The following FMN1 variants were observed in gnomAD, a reference collection of about 807,000 sequenced individuals.
The protein encoded by FMN1 is formin 1.
Under a neutral mutation model 132.4 loss-of-function variants are expected in FMN1, and 110 were observed. That is an observed-to-expected ratio of 0.83 (90% CI 0.71 to 0.97). The LOEUF (loss-of-function observed/expected upper bound fraction) is 0.97. Ranked by LOEUF, FMN1 falls within the 50% of genes least tolerant of loss-of-function variation. The probability of loss-of-function intolerance (pLI) is 0.00; values close to 1 mark genes in which losing one functional copy is unlikely to be tolerated. For missense variants in FMN1, 1,792 were observed against 1,705.3 expected (o/e 1.05, Z -0.90); for synonymous variants, 722 against 651.7 (o/e 1.11, Z -1.64).
chr15:32,909,895 C>G (rs1443259140), intron 11 of FMN1, among the ~76,000 whole-genome samples: 2 of 151,684 alleles, frequency 1.3e-5, no homozygotes, highest in Admixed American at 6.6e-5. Context: ...AAAAAAAAAT[C>G]AGAGCCTACT....
Position 33,018,485 on chromosome 15 carries a change from G to A in FMN1, c.2162-10410C>T, listed in dbSNP as rs565424333. On this transcript the variant is annotated intron_variant, in intron 6 of 20. Transcript: ENST00000616417. Reference sequence around the variant, plus strand: ...CCCATGCGTACATAATAGAGCTTCCGTGAGAACCCAAGAGGACTGGGTTCA... The same window carrying A: ...CCCATGCGTACATAATAGAGCTTCCATGAGAACCCAAGAGGACTGGGTTCA... Among the ~76,000 whole-genome samples the A allele has an allele frequency of 3.2e-4, 48 of 152,212 alleles. 1 individual carries two copies. Among genetic ancestry groups the A allele is most frequent in the Admixed American group, 4.6e-4 (7 of 15,296 alleles).
intron 6 of FMN1, among the ~76,000 whole-genome samples, chr15:33,054,598 C>G (rs1381431349): frequency 2.0e-5 from 3 of 152,198 alleles, no homozygotes; most frequent in Admixed American, 2.0e-4. Flanking sequence ...CCCAATTACC[C>G]TTTCCCTCCT....
At chr15:32,906,853 T>C (rs16960847) in intron 12 of FMN1, among the ~76,000 whole-genome samples, 7,224 of 152,226 alleles carry the variant, frequency 0.047, 409 homozygotes, top group African/African-American at 0.14. Context: ...ACAATATTCC[T>C]AGGCTTTAGA....
At chr15:32,940,123 A>G (rs1038762048) in intron 9 of FMN1, among the ~76,000 whole-genome samples, 1 of 152,192 alleles carries the variant, frequency 6.6e-6, no homozygotes, top group Non-Finnish European at 1.5e-5. Context: ...TGAGAACTAT[A>G]GCCATAAACT....
chr15:32,910,510 C>T lies in FMN1; in HGVS notation c.3252G>A (p.Val1084=), dbSNP rs746986642. The part of the protein sequence containing the change: ...QQAIFNVDDS[V]VDLETLAALY... ...AGGCTGCCAGGGTCTCCAGATCAAC[C>T]ACGGAGTCATCCACATTGAAAATGG... Residue 1084 remains valine, a synonymous_variant, in exon 11 of 21, where the codon GTG becomes GTA. Coordinates refer to ENST00000616417, the MANE Select transcript of FMN1 (RefSeq NM_001277313.2). 7.0e-6 allele frequency: 11 copies of T among 1,578,406 alleles called. No individual in the cohort carries two copies. In the African/African-American group the frequency reaches 1.3e-4, roughly 19 times the overall value.
intron 9 of FMN1, among the ~76,000 whole-genome samples, chr15:32,963,683 T>A (rs1350117886): frequency 6.6e-6 from 1 of 152,310 alleles, no homozygotes; most frequent in Admixed American, 6.5e-5. Context: ...ATAAAACCTA[T>A]TTTCCATATA....
At chr15:32,824,154 T>C (rs954751772) in intron 17 of FMN1, among the ~76,000 whole-genome samples, 21 of 152,228 alleles carry the variant, frequency 1.4e-4, no homozygotes, top group Admixed American at 5.9e-4. Context: ...AAGGAATTTT[T>C]AAAAATCTTT....
At chr15:32,976,119 G>A (rs1030814825) in intron 7 of FMN1, among the ~76,000 whole-genome samples, 18 of 152,174 alleles carry the variant, frequency 1.2e-4, no homozygotes, top group African/African-American at 4.1e-4. Flanking sequence ...TGCTGCCAGG[G>A]CCAATAAAAA....
At chr15:32,955,681 G>GGAAAACACAAAAAA in intron 9 of FMN1, among the ~76,000 whole-genome samples, 1 of 152,106 alleles carries the variant, frequency 6.6e-6, no homozygotes, top group Non-Finnish European at 1.5e-5. Flanking sequence ...TATTTAGAAT[G>GGAAAACACAAAAAA]GTTCTCTCAT....
intron 6 of FMN1, among the ~76,000 whole-genome samples, chr15:33,019,016 G>A (rs1457342487): frequency 6.6e-6 from 1 of 152,192 alleles, no homozygotes; most frequent in African/African-American, 2.4e-5. Flanking sequence ...AAAGAACAAA[G>A]CTTCCACCAT....
At chr15:32,879,337 G>C (rs1596158707) in intron 16 of FMN1, among the ~76,000 whole-genome samples, 1 of 152,260 alleles carries the variant, frequency 6.6e-6, no homozygotes, top group East Asian at 1.9e-4. Context: ...TCTCGTACCA[G>C]AGCTCAGACT....
intron 19 of FMN1, among the ~76,000 whole-genome samples, chr15:32,780,215 C>T (rs1204383232): frequency 6.6e-6 from 1 of 152,190 alleles, no homozygotes; most frequent in African/African-American, 2.4e-5. Flanking sequence ...ACCTTTTGGG[C>T]TGCATTTCCA....
At chr15:32,849,849 G>A (rs1163454434) in intron 17 of FMN1, among the ~76,000 whole-genome samples, 1 of 152,118 alleles carries the variant, frequency 6.6e-6, no homozygotes, top group African/African-American at 2.4e-5. Context: ...TAGAGATGGG[G>A]TTTCGCCATG....
At chr15:33,110,343 CAT>C (rs1480429895) in intron 4 of FMN1, among the ~76,000 whole-genome samples, 1 of 151,940 alleles carries the variant, frequency 6.6e-6, no homozygotes, top group Non-Finnish European at 1.5e-5. Flanking sequence ...ATGCTTATAA[CAT>C]GTGGAACCAA....
At chr15:32,787,780 GA>G (rs1475179791) in intron 19 of FMN1, among the ~76,000 whole-genome samples, 11 of 152,254 alleles carry the variant, frequency 7.2e-5, no homozygotes, top group Admixed American at 5.9e-4. Context: ...TTGATCCCAG[GA>G]ATTGGAGGTT....
At chr15:33,019,915 G>A (rs1205480115) in intron 6 of FMN1, among the ~76,000 whole-genome samples, 9 of 152,230 alleles carry the variant, frequency 5.9e-5, no homozygotes, top group African/African-American at 1.4e-4. Flanking sequence ...GCCCAGAGAA[G>A]GGCTCCCACG....
At chr15:33,062,432 C>T (rs1167958656) in intron 6 of FMN1, among the ~76,000 whole-genome samples, 1 of 151,954 alleles carries the variant, frequency 6.6e-6, no homozygotes, top group African/African-American at 2.4e-5. Flanking sequence ...CCATCCTGGC[C>T]AACACGGTGA....
chr15:33,107,884 A>T (rs1236219259), intron 4 of FMN1, among the ~76,000 whole-genome samples: 2 of 152,238 alleles, frequency 1.3e-5, no homozygotes, highest in Middle Eastern at 3.4e-3. Context: ...AAATGCTAGT[A>T]TATTTTTTAT....
intron 7 of FMN1, among the ~76,000 whole-genome samples, chr15:33,002,575 A>T (rs2034179703): frequency 6.6e-6 from 1 of 152,140 alleles, no homozygotes; most frequent in South Asian, 2.1e-4. Flanking sequence ...CAGGCAGGTA[A>T]AGTGGCCCAG....
Sources: gnomAD v4.1 joint callset for allele counts (sites outside exome capture counted in the v4.1 genomes callset) on GRCh38, gnomAD v4.1.1 for gene constraint, MANE v1.5 for transcripts, NCBI Gene and HGNC (gene_info 2026-07-23, HGNC 2026-07-21) for gene names.